The following SUCLG2 variants were observed in gnomAD, a reference collection of about 807,000 sequenced individuals.
SUCLG2 encodes the protein succinate--CoA ligase [GDP-forming] subunit beta, mitochondrial.
A neutral mutation model predicts 47.9 loss-of-function variants in SUCLG2; 42 were observed. The ratio of observed to expected loss-of-function variants is 0.88; its 90% CI spans 0.69 to 1.14. The LOEUF (loss-of-function observed/expected upper bound fraction) is 1.14, where lower values mean the gene tolerates loss of function less well. Among genes scored for constraint, SUCLG2 ranks in the 50% most tolerant of loss-of-function variants. The pLI, the probability that SUCLG2 is intolerant of heterozygous loss-of-function variation, is 0.00. For missense variants in SUCLG2, 571 were observed against 525.9 expected (o/e 1.09, Z -0.84); for synonymous variants, 195 against 197.3 (o/e 0.99, Z 0.10).
At chr3:67,384,910 G>A (rs988761675) in intron 10 of SUCLG2, among the ~76,000 whole-genome samples, 9 of 152,192 alleles carry the variant, frequency 5.9e-5, no homozygotes, top group Admixed American at 3.3e-4. Flanking sequence ...TCCCTCATCT[G>A]AAACATTTCT....
Position 67,654,394 on chromosome 3 carries a change from G to A in SUCLG2, c.84+109C>T, listed in dbSNP as rs540403223. On this transcript the variant is annotated intron_variant, in intron 1 of 10. Transcript: ENST00000307227. ...CGTCACCTCCCGAAGTGGGGCGCCC[G>A]AGGGGCCGCGCAGGGGGTCAGGCGG... 2.6e-4 allele frequency: 246 copies of A among 938,232 alleles called. 1 individual carries two copies. Among genetic ancestry groups the A allele is most frequent in the South Asian group, 2.5e-3 (45 of 18,258 alleles). The allele number at this position is 938,232 out of a possible 1,614,324, so 58.1% of individuals were successfully genotyped here. A position where few individuals can be genotyped will look rare whatever the true frequency, so the allele number is the denominator to read the frequency against.
chr3:67,481,341 G>A (rs907490714), intron 9 of SUCLG2, among the ~76,000 whole-genome samples: 2 of 152,186 alleles, frequency 1.3e-5, no homozygotes, highest in African/African-American at 4.8e-5. Context: ...TAGACCACGT[G>A]GACCAGGACT....
At chr3:67,592,776 C>G (rs1708200090) in intron 2 of SUCLG2, among the ~76,000 whole-genome samples, 1 of 147,778 alleles carries the variant, frequency 6.8e-6, no homozygotes, top group South Asian at 2.1e-4. Context: ...CAGCTCAAAT[C>G]CAGACCTTCT....
intron 10 of SUCLG2, among the ~76,000 whole-genome samples, chr3:67,390,081 T>C (rs1215856775): frequency 2.6e-5 from 4 of 152,240 alleles, no homozygotes; most frequent in Non-Finnish European, 5.9e-5. Context: ...TTTCTAAGTT[T>C]CAGGCACGCT....
chr3:67,365,776 C>G (rs541219724), intron 10 of SUCLG2, among the ~76,000 whole-genome samples: 1 of 151,988 alleles, frequency 6.6e-6, no homozygotes, highest in Non-Finnish European at 1.5e-5. Context: ...AATTTCTTGA[C>G]GATTTTTAAA....
intron 10 of SUCLG2, among the ~76,000 whole-genome samples, chr3:67,390,581 T>C (rs1487109697): frequency 2.0e-5 from 3 of 152,016 alleles, no homozygotes; most frequent in Non-Finnish European, 4.4e-5. Context: ...CAGCTACATA[T>C]TTGGGGGAAA....
chr3:67,574,577 T>C (rs1285759862), intron 2 of SUCLG2, among the ~76,000 whole-genome samples: 2 of 152,144 alleles, frequency 1.3e-5, no homozygotes, highest in Non-Finnish European at 2.9e-5. Context: ...ATTCACAGAC[T>C]TAAATGTAAA....
chr3:67,616,457 A>C (rs556346333), intron 1 of SUCLG2, among the ~76,000 whole-genome samples: 1 of 152,370 alleles, frequency 6.6e-6, no homozygotes, highest in South Asian at 2.1e-4. Flanking sequence ...AAGTAAATGT[A>C]TAGGAAAAGG....
intron 2 of SUCLG2, among the ~76,000 whole-genome samples, chr3:67,583,646 C>A (rs1442640738): frequency 6.6e-6 from 1 of 152,194 alleles, no homozygotes; most frequent in Non-Finnish European, 1.5e-5. Context: ...CTGGCTGGAA[C>A]TATGATTCTT....
intron 9 of SUCLG2, among the ~76,000 whole-genome samples, chr3:67,454,538 T>A (rs1014612458): frequency 6.6e-6 from 1 of 152,208 alleles, no homozygotes; most frequent in Non-Finnish European, 1.5e-5. Flanking sequence ...TATAGAGATA[T>A]ATGTAGCTAT....
At position 67,481,631 on chromosome 3, in the gene SUCLG2, C is replaced by T. The variant is rs2107017276; in HGVS notation, c.1062+14167G>A. ...GATTAGTAAGCCTTCACAGACAAAT[C>T]TCAGTAAACCTAGAGACTGGTATGT... On this transcript the variant is annotated intron_variant, in intron 9 of 10. Transcript: ENST00000307227. Among the ~76,000 whole-genome samples, 3 of 152,316 alleles carry T rather than the reference C, an allele frequency of 2.0e-5. No individual in the cohort carries two copies. The Middle Eastern group carries it at 0.01, about 518-fold the overall frequency.
chr3:67,580,167 C>T (rs1354786798), intron 2 of SUCLG2, among the ~76,000 whole-genome samples: 1 of 152,022 alleles, frequency 6.6e-6, no homozygotes, highest in Non-Finnish European at 1.5e-5. Flanking sequence ...ATAAAGAATA[C>T]AACGTAAAAA....
chr3:67,402,903 T>G (rs937868645), intron 9 of SUCLG2, among the ~76,000 whole-genome samples: 1 of 152,206 alleles, frequency 6.6e-6, no homozygotes. Flanking sequence ...CATAATCTTA[T>G]GTGAATTCAC....
intron 4 of SUCLG2, among the ~76,000 whole-genome samples, chr3:67,525,929 T>TA: frequency 6.6e-6 from 1 of 152,282 alleles, no homozygotes; most frequent in South Asian, 2.1e-4. Context: ...AACTCAATAG[T>TA]AAAAACATAA....
chr3:67,392,501 C>G (rs1213693493), intron 10 of SUCLG2, among the ~76,000 whole-genome samples: 1 of 152,196 alleles, frequency 6.6e-6, no homozygotes, highest in Non-Finnish European at 1.5e-5. Context: ...ATATCAATTT[C>G]CAGGTAAATA....
chr3:67,580,376 G>C (rs949970594), intron 2 of SUCLG2, among the ~76,000 whole-genome samples: 2 of 151,832 alleles, frequency 1.3e-5, no homozygotes, highest in Non-Finnish European at 2.9e-5. Context: ...ATTACATCTG[G>C]GTGGGAAAAT....
intron 2 of SUCLG2, among the ~76,000 whole-genome samples, chr3:67,567,440 T>G (rs1248280303): frequency 6.6e-6 from 1 of 151,774 alleles, no homozygotes; most frequent in East Asian, 1.9e-4. Flanking sequence ...GGGCTACAGG[T>G]GCACACCACC....
At chr3:67,544,942 T>A (rs910091687) in intron 2 of SUCLG2, among the ~76,000 whole-genome samples, 2 of 152,210 alleles carry the variant, frequency 1.3e-5, no homozygotes, top group African/African-American at 4.8e-5. Context: ...ACATTGATCA[T>A]CTTTGTTAAA....
intron 1 of SUCLG2, among the ~76,000 whole-genome samples, chr3:67,634,661 TTAAC>T (rs1403678397): frequency 6.6e-6 from 1 of 152,204 alleles, no homozygotes; most frequent in Non-Finnish European, 1.5e-5. Context: ...ATTTATCTCT[TTAAC>T]TAAAGGTTCA....
Sources: allele counts gnomAD v4.1 joint callset (sites outside exome capture counted in the v4.1 genomes callset), GRCh38; gene constraint gnomAD v4.1.1; transcripts MANE v1.5; gene names NCBI Gene and HGNC (gene_info 2026-07-23, HGNC 2026-07-21).